Variants in SMCHD1 observed in about 807,000 individuals in gnomAD.
SMCHD1 encodes the protein structural maintenance of chromosomes flexible hinge domain containing 1.
Under a neutral mutation model 254.7 loss-of-function variants are expected in SMCHD1, and 78 were observed. The ratio of observed to expected loss-of-function variants is 0.31; its 90% confidence interval spans 0.26 to 0.37. The LOEUF (loss-of-function observed/expected upper bound fraction) is 0.37, where lower values mean the gene tolerates loss of function less well. Among genes scored for constraint, SMCHD1 ranks in the 10% least tolerant of loss-of-function variants. SMCHD1 has a pLI of 1.00. For synonymous variants in SMCHD1, 766 were observed against 794.9 expected (o/e 0.96, Z 0.61); for missense variants, 1,840 against 2,408.1 (o/e 0.76, Z 4.94).
chr18:2,660,425 ATG>A (rs919409692), intron 1 of SMCHD1, among the ~76,000 whole-genome samples: 4 of 151,332 alleles, frequency 2.6e-5, no homozygotes, highest in African/African-American at 7.3e-5. Flanking sequence ...AAGATAGTTT[ATG>A]TGTCTTAATT....
intron 7 of SMCHD1, among the ~76,000 whole-genome samples, chr18:2,690,805 T>A (rs190801946): frequency 1.8e-3 from 271 of 152,146 alleles, no homozygotes; most frequent in Non-Finnish European, 2.8e-3. Flanking sequence ...TTTTTAAATG[T>A]TCATGGCATG....
rs1286426708 is a variant in SMCHD1, at chr18:2,752,741, G to A, written c.4346+189G>A. The A allele has an allele frequency of 6.0e-6, 3 of 503,624 alleles. No homozygotes were observed. The South Asian group carries it at 7.1e-5, about 12-fold the overall frequency. 31.2% of individuals were successfully genotyped at this position (503,624 alleles called of 1,614,324 possible). Reference sequence around the variant, plus strand: ...TTTTTAAGCATTAAATTGGTTTTAAGCTTTGTAAATTGTAATTGTATTTGC... The same window carrying A: ...TTTTTAAGCATTAAATTGGTTTTAAACTTTGTAAATTGTAATTGTATTTGC... On this transcript the variant is annotated intron_variant, in intron 34 of 47. Transcript: ENST00000320876.
At chr18:2,697,167 TTG>T in intron 9 of SMCHD1, 45 bp downstream of exon 9, 2 of 986,314 alleles carry the variant, frequency 2.0e-6, no homozygotes, top group Non-Finnish European at 3.0e-6. Context: ...TATGAGATAT[TTG>T]TTCCAGTTCC....
chr18:2,679,695 T>G (rs574213626), intron 5 of SMCHD1, among the ~76,000 whole-genome samples: 3 of 152,220 alleles, frequency 2.0e-5, no homozygotes, highest in African/African-American at 7.2e-5. Context: ...TGCTGATGTG[T>G]CTAGGTGTGG....
rs1467562870 is a variant in SMCHD1 at position 2,803,696 on chromosome 18, A to G, written c.*1144A>G. 5 of 103,134 alleles carry G rather than the reference A, an allele frequency of 4.8e-5. No individual in the cohort carries two copies. Among genetic ancestry groups the G allele is most frequent in the African/African-American group, 1.4e-4 (4 of 28,090 alleles). 6.4% of individuals were successfully genotyped at this position (103,134 alleles called of 1,614,324 possible). A position where few individuals can be genotyped will look rare whatever the true frequency, so the allele number is the denominator to read the frequency against. On this transcript the variant is annotated 3_prime_UTR_variant, in exon 48 of 48. Transcript: ENST00000320876. Reference sequence around the variant, plus strand: ...AAACGATGATGATGTTAACCTATCTATCTTTATAATTGGAAATTATTTAAA... The same window carrying G: ...AAACGATGATGATGTTAACCTATCTGTCTTTATAATTGGAAATTATTTAAA...
intron 45 of SMCHD1, among the ~76,000 whole-genome samples, chr18:2,787,006 T>C (rs949351295): frequency 1.3e-5 from 2 of 152,202 alleles, no homozygotes; most frequent in Admixed American, 6.5e-5. Context: ...TGTGTTGTTA[T>C]AAAGGAATAC....
At chr18:2,800,235 C>T (rs1007073636) in intron 47 of SMCHD1, among the ~76,000 whole-genome samples, 12 of 151,548 alleles carry the variant, frequency 7.9e-5, no homozygotes, top group East Asian at 2.0e-4. Flanking sequence ...ATAAAAAGGA[C>T]GGAACAGAAT....
In SMCHD1 at chr18:2,751,315, C is replaced by A; in HGVS notation, c.4203C>A (p.Ile1401=). ...MISVISEDDS[I]IKNINPARIS... is the part of the protein sequence containing the mutation. Reference sequence around the variant, plus strand: ...GTGTTATTTCTGAAGATGACAGTATCATTAAAAACATTAATCCAGCACGTA... The same window carrying A: ...GTGTTATTTCTGAAGATGACAGTATAATTAAAAACATTAATCCAGCACGTA... The change falls in exon 33 of 48, where the codon ATC becomes ATA. Residue 1401 remains isoleucine (I), a synonymous_variant. Coordinates refer to ENST00000320876, the MANE Select transcript of SMCHD1 (RefSeq NM_015295.3). 1 of 1,575,618 alleles carries A rather than the reference C, an allele frequency of 6.3e-7. No individual in the cohort carries two copies. Among genetic ancestry groups the A allele is most frequent in the Non-Finnish European group, 8.6e-7 (1 of 1,165,992 alleles).
chr18:2,720,109 G>A (rs561475014), intron 19 of SMCHD1, among the ~76,000 whole-genome samples: 2 of 152,326 alleles, frequency 1.3e-5, no homozygotes, highest in East Asian at 1.9e-4. Context: ...TTACAGGCTT[G>A]AGCCACTGTG....
chr18:2,776,817 C>T (rs1811044137), intron 42 of SMCHD1, among the ~76,000 whole-genome samples: 1 of 152,120 alleles, frequency 6.6e-6, no homozygotes, highest in Admixed American at 6.5e-5. Context: ...CTAAAATCTG[C>T]CACCCTGCAA....
At chr18:2,792,999 A>G (rs964888703) in intron 45 of SMCHD1, among the ~76,000 whole-genome samples, 1 of 152,174 alleles carries the variant, frequency 6.6e-6, no homozygotes, top group African/African-American at 2.4e-5. Flanking sequence ...GTCAAAGCAG[A>G]GGTTCTGGTG....
At chr18:2,756,826 T>C (rs2143658233) in intron 34 of SMCHD1, among the ~76,000 whole-genome samples, 1 of 152,336 alleles carries the variant, frequency 6.6e-6, no homozygotes, top group Admixed American at 6.5e-5. Flanking sequence ...ATTAATTTTA[T>C]CTAAATTTTC....
intron 38 of SMCHD1, 74 bp from the exon 39 acceptor site, chr18:2,769,911 GCTAT>G: frequency 2.0e-6 from 3 of 1,533,494 alleles, no homozygotes; most frequent in Non-Finnish European, 2.6e-6. Flanking sequence ...GTGTTTATTA[GCTAT>G]CTAACCACTT....
chr18:2,722,694 T>C (rs770310063), intron 20 of SMCHD1, 31 bp downstream of exon 20: 2 of 1,561,334 alleles, frequency 1.3e-6, no homozygotes, highest in African/African-American at 2.8e-5. Context: ...GTATTTGTCC[T>C]TTGATATTTG....
chr18:2,687,678 A>G (rs2074082998), intron 5 of SMCHD1, among the ~76,000 whole-genome samples: 1 of 152,110 alleles, frequency 6.6e-6, no homozygotes, highest in Admixed American at 6.5e-5. Flanking sequence ...CTTGTGCCAG[A>G]TATTTTCCTT....
At chr18:2,671,023 G>A (rs182411979) in intron 3 of SMCHD1, among the ~76,000 whole-genome samples, 7 of 142,450 alleles carry the variant, frequency 4.9e-5, no homozygotes, top group Non-Finnish European at 1.1e-4. Context: ...CGCAACCTCC[G>A]CCTCCTGGGT....
intron 45 of SMCHD1, chr18:2,785,080 A>T (rs1398746031): frequency 3.6e-6 from 1 of 277,818 alleles, no homozygotes; most frequent in Non-Finnish European, 7.1e-6. Context: ...AGTGTATGAC[A>T]TGTGATCTCC....
intron 37 of SMCHD1, 71 bp from the exon 38 acceptor site, chr18:2,769,623 A>C: frequency 6.8e-7 from 1 of 1,473,256 alleles, no homozygotes. Flanking sequence ...ATAATGAGTT[A>C]TGTAACATTT....
Position 2,802,598 on chromosome 18 carries a change from G to T in SMCHD1, c.*46G>T. On this transcript the variant is annotated 3_prime_UTR_variant, in exon 48 of 48. Transcript: ENST00000320876. ...CCATTGGTCTCAGTAAGAATGCCCT[G>T]CTTTCTGCATCTCTGTTTCAGAAGA... 1 of 1,513,106 alleles carries T rather than the reference G, an allele frequency of 6.6e-7. No individual in the cohort carries two copies. The highest frequency in any genetic ancestry group is 8.9e-7 in the Non-Finnish European group (1 of 1,123,984). 93.7% of individuals were successfully genotyped at this position (1,513,106 alleles called of 1,614,324 possible).
Sources: gnomAD v4.1 joint callset for allele counts (sites outside exome capture counted in the v4.1 genomes callset) on GRCh38, gnomAD v4.1.1 for gene constraint, MANE v1.5 for transcripts, NCBI Gene and HGNC (gene_info 2026-07-23, HGNC 2026-07-21) for gene names.